MSI2: variants seen among roughly 807,000 people sequenced by gnomAD.
The protein encoded by MSI2 is RNA-binding protein Musashi homolog 2.
In MSI2, 17 loss-of-function variants were observed where a neutral mutation model predicts 45.6. The observed-to-expected ratio is 0.37, with a 90% CI of 0.26 to 0.56. The LOEUF (loss-of-function observed/expected upper bound fraction) is 0.56. Among genes scored for constraint, MSI2 ranks in the 20% least tolerant of loss-of-function variants. The pLI is 0.77. For missense variants in MSI2, 293 were observed against 444.2 expected, an observed-to-expected ratio of 0.66 and a Z score of 3.06; for synonymous variants, 156 against 158.2, an observed-to-expected ratio of 0.99 and a Z score of 0.11.
At chr17:57,284,642 G>A (rs1366820353) in intron 5 of MSI2, among the ~76,000 whole-genome samples, 1 of 152,190 alleles carries the variant, frequency 6.6e-6, no homozygotes, top group Non-Finnish European at 1.5e-5. Flanking sequence ...AATGTTGTAG[G>A]AGACTATTAC....
chr17:57,325,217 C>T (rs1913687484), intron 5 of MSI2, among the ~76,000 whole-genome samples: 1 of 152,196 alleles, frequency 6.6e-6, no homozygotes, highest in African/African-American at 2.4e-5. Flanking sequence ...TGAAGTGACT[C>T]AGGAATGGAA....
intron 5 of MSI2, among the ~76,000 whole-genome samples, chr17:57,400,294 A>G (rs1567802047): frequency 6.6e-6 from 1 of 152,038 alleles, no homozygotes; most frequent in East Asian, 1.9e-4. Flanking sequence ...CACATAGCCT[A>G]AACTCAGTCT....
intron 11 of MSI2, among the ~76,000 whole-genome samples, chr17:57,660,479 CCCTGGAAGTT>C (rs1212296543): frequency 1.3e-5 from 2 of 152,152 alleles, no homozygotes; most frequent in Admixed American, 6.5e-5. Context: ...CCCACCACAG[CCCTGGAAGTT>C]CCTGGAAGTT....
At chr17:57,437,501 A>T (rs1446464624) in intron 6 of MSI2, among the ~76,000 whole-genome samples, 1 of 152,116 alleles carries the variant, frequency 6.6e-6, no homozygotes, top group African/African-American at 2.4e-5. Context: ...ATTATTGGGG[A>T]CATGCCTGGA....
intron 5 of MSI2, among the ~76,000 whole-genome samples, chr17:57,329,273 A>G (rs1330574384): frequency 6.6e-6 from 1 of 152,224 alleles, no homozygotes; most frequent in African/African-American, 2.4e-5. Flanking sequence ...CTTCAATTAC[A>G]TTTGGAAAAC....
chr17:57,492,701 G>A (rs1379811554), intron 6 of MSI2, among the ~76,000 whole-genome samples: 2 of 152,122 alleles, frequency 1.3e-5, no homozygotes, highest in Non-Finnish European at 2.9e-5. Flanking sequence ...CCGGGTTCAA[G>A]CAATTCTCCT....
intron 5 of MSI2, among the ~76,000 whole-genome samples, chr17:57,317,881 ACT>A (rs1912986505): frequency 6.6e-6 from 1 of 151,960 alleles, no homozygotes; most frequent in Non-Finnish European, 1.5e-5. Context: ...AGGCACAGTG[ACT>A]CACGCCTGTA....
At chr17:57,692,246 T>C in the MSI2 span, among the ~76,000 whole-genome samples, 2 of 152,226 alleles carry the variant, frequency 1.3e-5, no homozygotes, top group Non-Finnish European at 2.9e-5. Context: ...CTAGATTCTG[T>C]TTGCTAATAT....
chr17:57,607,450 A>ATGGG (rs1906733292), intron 8 of MSI2, among the ~76,000 whole-genome samples: 1 of 152,230 alleles, frequency 6.6e-6, no homozygotes, highest in Non-Finnish European at 1.5e-5. Flanking sequence ...GGCAGGTCCC[A>ATGGG]CATCCATGAG....
At chr17:57,573,990 TAAG>T (rs890312382) in intron 7 of MSI2, among the ~76,000 whole-genome samples, 2 of 152,098 alleles carry the variant, frequency 1.3e-5, no homozygotes, top group African/African-American at 2.4e-5. Context: ...GACAACCTAA[TAAG>T]AAGGAAAAGC....
chr17:57,596,834 CTCTT>C lies in MSI2; in HGVS notation c.455-32_455-29del. 6.5e-7 allele frequency: 1 copy of C among 1,536,320 alleles called. No homozygotes were observed. Among genetic ancestry groups the C allele is most frequent in the Non-Finnish European group, 9.0e-7 (1 of 1,110,378 alleles). ...TGCCAGAACTGAACTCACCCCGCCTCTCTTTGTTTTTTCTTCTCTCTCTTTTCCT... is the reference window on the plus strand; with the variant it reads ...TGCCAGAACTGAACTCACCCCGCCTCTGTTTTTTCTTCTCTCTCTTTTCCT... On this transcript the variant is annotated intron_variant, in intron 7 of 13. Transcript: ENST00000284073. The surrounding 1 kb of genome is among the most constrained non-coding windows in gnomAD (Gnocchi z 4.6).
intron 6 of MSI2, among the ~76,000 whole-genome samples, chr17:57,429,331 C>T (rs371338723): frequency 6.6e-6 from 1 of 152,270 alleles, no homozygotes; most frequent in Non-Finnish European, 1.5e-5. Context: ...AGATTATCTT[C>T]AGTAGTTTTG....
At chr17:57,589,402 T>C (rs1904614876) in intron 7 of MSI2, among the ~76,000 whole-genome samples, 1 of 152,240 alleles carries the variant, frequency 6.6e-6, no homozygotes, top group Non-Finnish European at 1.5e-5. Flanking sequence ...TCCCCATGCC[T>C]GCCATGCATC....
At chr17:57,676,958 T>A in intron 12 of MSI2, 29 bp from the exon 13 acceptor site, 2 of 1,444,170 alleles carry the variant, frequency 1.4e-6, no homozygotes, top group Non-Finnish European at 2.0e-6. Context: ...TATAGCACAC[T>A]GATGACCTTA....
Position 57,652,005 on chromosome 17 carries a change from G to A in MSI2, c.728-94G>A. 1 of 1,152,288 alleles carries A rather than the reference G, an allele frequency of 8.7e-7. No homozygotes were observed. The highest frequency in any genetic ancestry group is 1.3e-6 in the Non-Finnish European group (1 of 766,476). The allele number at this position is 1,152,288 out of a possible 1,614,324, so 71.4% of individuals were successfully genotyped here. ...TCCCTTCCCACTCCTGTCTTTGTGTGGAGGGCGGGGGGTTGTGTGGCCCGT... is the reference window on the plus strand; with the variant it reads ...TCCCTTCCCACTCCTGTCTTTGTGTAGAGGGCGGGGGGTTGTGTGGCCCGT... On this transcript the variant is annotated intron_variant, in intron 10 of 13. Transcript: ENST00000284073. This position sits in a 1 kb window ranked among gnomAD's most constrained non-coding sequence, Gnocchi z 4.1.
intron 6 of MSI2, among the ~76,000 whole-genome samples, chr17:57,482,045 C>T (rs547324689): frequency 6.6e-6 from 1 of 152,324 alleles, no homozygotes; most frequent in Admixed American, 6.5e-5. Context: ...CACAGATGCA[C>T]AAATCCTGGT....
At chr17:57,360,020 G>T (rs1916713850) in intron 5 of MSI2, among the ~76,000 whole-genome samples, 2 of 152,204 alleles carry the variant, frequency 1.3e-5, no homozygotes, top group Admixed American at 1.3e-4. Flanking sequence ...CACCAGAGAA[G>T]TGCTGTAGAC....
intron 7 of MSI2, among the ~76,000 whole-genome samples, chr17:57,575,152 C>CG (rs572651369): frequency 1.2e-4 from 13 of 105,670 alleles, no homozygotes; most frequent in Admixed American, 1.8e-4. Context: ...TTAACTCCCT[C>CG]CCCCCGCCAC....
At chr17:57,340,575 G>A (rs960492597) in intron 5 of MSI2, among the ~76,000 whole-genome samples, 7 of 152,200 alleles carry the variant, frequency 4.6e-5, no homozygotes, top group African/African-American at 1.7e-4. Context: ...GGACAAGGAA[G>A]GGAAAATGTA....
Sources: gnomAD v4.1 joint callset for allele counts (sites outside exome capture counted in the v4.1 genomes callset) on GRCh38, gnomAD v4.1.1 for gene constraint, Gnocchi (gnomAD v3.1) non-coding constraint, MANE v1.5 for transcripts, NCBI Gene and HGNC (gene_info 2026-07-23, HGNC 2026-07-21) for gene names.